ELAVL2: variants seen among roughly 807,000 people sequenced by gnomAD.
The protein encoded by ELAVL2 is ELAV like RNA binding protein 2, also known as ELAV-like protein 2.
ELAVL2 carries 4 observed loss-of-function variants against 34.6 expected under a neutral mutation model. The observed-to-expected ratio is 0.12, with a 90% confidence interval of 0.06 to 0.26. The LOEUF (loss-of-function observed/expected upper bound fraction) is 0.26. ELAVL2 is among the 10% of genes least tolerant of loss of function. The probability of loss-of-function intolerance (pLI) is 1.00; values close to 1 mark genes in which losing one functional copy is unlikely to be tolerated. For missense variants in ELAVL2, 432 were observed against 442.8 expected (o/e 0.98, Z 0.22); for synonymous variants, 193 against 154.8 (o/e 1.25, Z -1.83).
At chr9:23,702,894 A>C (rs1482326329) in intron 4 of ELAVL2, among the ~76,000 whole-genome samples, 1 of 146,252 alleles carries the variant, frequency 6.8e-6, no homozygotes, top group Non-Finnish European at 1.5e-5. Flanking sequence ...ACTAGCGCCT[A>C]TTAAGAATTA....
chr9:23,722,540 G>T (rs1400894561), intron 3 of ELAVL2, among the ~76,000 whole-genome samples: 1 of 152,176 alleles, frequency 6.6e-6, no homozygotes, highest in Non-Finnish European at 1.5e-5. Flanking sequence ...ATCTGGTCCA[G>T]AAAGTCTCAA....
At chr9:23,724,461 T>TTACTTGG (rs2044564416) in intron 3 of ELAVL2, among the ~76,000 whole-genome samples, 1 of 152,188 alleles carries the variant, frequency 6.6e-6, no homozygotes, top group Admixed American at 6.5e-5. Context: ...GCTCTGGACC[T>TTACTTGG]TACTTGGGCT....
chr9:23,767,652 A>G (rs570728374), intron 1 of ELAVL2, among the ~76,000 whole-genome samples: 2 of 152,196 alleles, frequency 1.3e-5, no homozygotes, highest in Admixed American at 6.5e-5. Flanking sequence ...CGTGGTCTGT[A>G]GTCCCAGCTA....
intron 2 of ELAVL2, among the ~76,000 whole-genome samples, chr9:23,736,161 G>C (rs990082375): frequency 1.3e-5 from 2 of 151,868 alleles, no homozygotes; most frequent in Non-Finnish European, 2.9e-5. Context: ...ACCCCCTCAG[G>C]TTTAAAGGTA....
chr9:23,789,713 C>G (rs117067938), intron 1 of ELAVL2, among the ~76,000 whole-genome samples: 1 of 152,108 alleles, frequency 6.6e-6, no homozygotes, highest in Non-Finnish European at 1.5e-5. Flanking sequence ...AATAATGTAT[C>G]GTATTATACA....
intron 3 of ELAVL2, among the ~76,000 whole-genome samples, chr9:23,730,387 G>A (rs540562129): frequency 6.6e-6 from 1 of 152,198 alleles, no homozygotes; most frequent in Non-Finnish European, 1.5e-5. Context: ...TCTCCTCAAA[G>A]CAAGCTGAAT....
intron 5 of ELAVL2, among the ~76,000 whole-genome samples, chr9:23,697,363 G>A (rs2035616906): frequency 6.6e-6 from 1 of 152,150 alleles, no homozygotes. Flanking sequence ...GAAGTCAGAT[G>A]AGATATCTGA....
At position 23,692,505 on chromosome 9, in the gene ELAVL2, T is replaced by G. The variant is rs777842894; in HGVS notation, c.*52A>C. On this transcript the variant is annotated 3_prime_UTR_variant, in exon 7 of 7. Transcript: ENST00000397312. ...ACTAATGTATAAAGTTTCTCTTAAC[T>G]TGCCTTTGTTGTATAGTTTTCATAT... The G allele has an allele frequency of 1.1e-5, 17 of 1,532,134 alleles. No individual in the cohort carries two copies. The highest frequency in any genetic ancestry group is 1.4e-5 in the Non-Finnish European group (16 of 1,137,800). The allele number at this position is 1,532,134 out of a possible 1,614,324, so 94.9% of individuals were successfully genotyped here. A position where few individuals can be genotyped will look rare whatever the true frequency, so the allele number is the denominator to read the frequency against.
chr9:23,699,282 C>T (rs2133036047), intron 5 of ELAVL2, among the ~76,000 whole-genome samples: 1 of 152,316 alleles, frequency 6.6e-6, no homozygotes, highest in Admixed American at 6.5e-5. Flanking sequence ...CCTGAGTCAC[C>T]TACAAGCCTT....
upstream of ELAVL2, among the ~76,000 whole-genome samples, chr9:23,826,589 G>A (rs1178481584): frequency 6.6e-6 from 1 of 152,226 alleles, no homozygotes; most frequent in Admixed American, 6.5e-5. Flanking sequence ...AAGAAATGTG[G>A]AGAGAGCAAC....
chr9:23,712,053 A>G (rs2041106144), intron 3 of ELAVL2, among the ~76,000 whole-genome samples: 1 of 152,154 alleles, frequency 6.6e-6, no homozygotes, highest in South Asian at 2.1e-4. Flanking sequence ...ACAATCTTCA[A>G]CAAAGTAATA....
At chr9:23,708,061 A>C (rs1366275437) in intron 3 of ELAVL2, among the ~76,000 whole-genome samples, 3 of 151,824 alleles carry the variant, frequency 2.0e-5, no homozygotes, top group African/African-American at 7.3e-5. Context: ...TTTTTTCCCC[A>C]ATGTCCACTC....
At chr9:23,763,240 G>A (rs568746303) in intron 1 of ELAVL2, among the ~76,000 whole-genome samples, 2 of 152,016 alleles carry the variant, frequency 1.3e-5, no homozygotes, top group Non-Finnish European at 2.9e-5. Context: ...TGGGGAAAAT[G>A]GCCTCAAACT....
At chr9:23,746,820 G>GAAAAAA (rs58976853) in intron 2 of ELAVL2, among the ~76,000 whole-genome samples, 3 of 68,926 alleles carry the variant, frequency 4.4e-5, no homozygotes, top group East Asian at 3.9e-4. Context: ...AACTGAAAAA[G>GAAAAAA]AAAAAAAAAA....
In ELAVL2 at chr9:23,749,344, A is replaced by G. The variant is rs112371410; in HGVS notation, c.229+12662T>C. Among the ~76,000 whole-genome samples the G allele has an allele frequency of 2.8e-4, 43 of 152,226 alleles. 1 individual carries two copies. The highest frequency in any genetic ancestry group is 1.0e-3 in the African/African-American group (42 of 41,558). On this transcript the variant is annotated intron_variant, in intron 2 of 6. Coordinates refer to ENST00000397312, the MANE Select transcript of ELAVL2 (RefSeq NM_004432.5). ...TAAGCCTACATACTATCCATACCTA[A>G]ATCAACAACCAATTCTCTGCTGATT...
At chr9:23,781,812 G>C (rs1191671836) in intron 1 of ELAVL2, among the ~76,000 whole-genome samples, 1 of 152,084 alleles carries the variant, frequency 6.6e-6, no homozygotes, top group Non-Finnish European at 1.5e-5. Context: ...TCCTGCCTCA[G>C]CCTCCTGAGT....
At chr9:23,740,665 G>C (rs1419930879) in intron 2 of ELAVL2, among the ~76,000 whole-genome samples, 1 of 151,964 alleles carries the variant, frequency 6.6e-6, no homozygotes, top group Non-Finnish European at 1.5e-5. Context: ...AAAATGACCT[G>C]AAAGAAAAGG....
At chr9:23,707,664 A>C (rs1438749134) in intron 3 of ELAVL2, among the ~76,000 whole-genome samples, 1 of 152,230 alleles carries the variant, frequency 6.6e-6, no homozygotes, top group Non-Finnish European at 1.5e-5. Context: ...ATTCATAACC[A>C]GTTCTGTGAA....
the ELAVL2 span, among the ~76,000 whole-genome samples, chr9:23,849,018 C>G: frequency 5.3e-5 from 8 of 151,752 alleles, no homozygotes; most frequent in Non-Finnish European, 8.8e-5. Context: ...GCAAAACAGG[C>G]CAAACAATGT....
Sources: gnomAD v4.1 joint callset for allele counts (sites outside exome capture counted in the v4.1 genomes callset) on GRCh38, gnomAD v4.1.1 for gene constraint, MANE v1.5 for transcripts, NCBI Gene and HGNC (gene_info 2026-07-23, HGNC 2026-07-21) for gene names.